Variants in PSMA3 observed in about 807,000 individuals in gnomAD.
The protein encoded by PSMA3 is proteasome 20S subunit alpha 3.
A neutral mutation model predicts 40.0 loss-of-function variants in PSMA3; 8 were observed. That is an observed-to-expected ratio of 0.20 (90% CI 0.12 to 0.36). The LOEUF (loss-of-function observed/expected upper bound fraction) is 0.36, where lower values mean the gene tolerates loss of function less well. PSMA3 is among the 10% of genes least tolerant of loss of function. PSMA3 has a pLI of 1.00. For missense variants in PSMA3, 219 were observed against 310.6 expected (o/e 0.70, Z 2.22); for synonymous variants, 110 against 100.0 (o/e 1.10, Z -0.59).
At chr14:58,250,064 C>T (rs1431035012) in intron 2 of PSMA3, among the ~76,000 whole-genome samples, 6 of 150,602 alleles carry the variant, frequency 4.0e-5, no homozygotes, top group Non-Finnish European at 8.9e-5. Context: ...ACTGAAAATA[C>T]AAAAAATTAG....
At chr14:58,248,391 G>A (rs555056519) in intron 2 of PSMA3, among the ~76,000 whole-genome samples, 30 of 152,002 alleles carry the variant, frequency 2.0e-4, no homozygotes, top group Middle Eastern at 3.4e-3. Flanking sequence ...CACCATGCCC[G>A]GATAATTTTT....
chr14:58,250,525 A>T (rs1347450277), intron 2 of PSMA3, among the ~76,000 whole-genome samples: 2 of 152,202 alleles, frequency 1.3e-5, no homozygotes, highest in Admixed American at 6.5e-5. Context: ...ATAACAGGAA[A>T]TTGAATATGC....
intron 7 of PSMA3, among the ~76,000 whole-genome samples, chr14:58,264,409 T>C (rs1225119332): frequency 6.6e-6 from 1 of 152,234 alleles, no homozygotes; most frequent in Non-Finnish European, 1.5e-5. Flanking sequence ...CAGCTATTAG[T>C]GTGAAAAAGT....
chr14:58,260,353 A>C (rs920289926), intron 5 of PSMA3, among the ~76,000 whole-genome samples: 1 of 152,234 alleles, frequency 6.6e-6, no homozygotes, highest in Non-Finnish European at 1.5e-5. Context: ...GTACAGAAGC[A>C]ATGTTTTTTG....
Position 58,261,029 on chromosome 14 carries a change from T to A in PSMA3, c.477+9T>A. Reference sequence around the variant, plus strand: ...CATCAGGTGTTTCATACGTGAGTAATTTTGAATCATTTGAAATTCTATTTT... The same window carrying A: ...CATCAGGTGTTTCATACGTGAGTAAATTTGAATCATTTGAAATTCTATTTT... On this transcript the variant is annotated intron_variant, in intron 6 of 10. Transcript: ENST00000216455. 1.9e-6 allele frequency: 3 copies of A among 1,570,344 alleles called. No individual in the cohort carries two copies. Among genetic ancestry groups the A allele is most frequent in the Non-Finnish European group, 2.6e-6 (3 of 1,141,628 alleles).
At chr14:58,251,915 G>A (rs998047843) in intron 2 of PSMA3, among the ~76,000 whole-genome samples, 1 of 152,112 alleles carries the variant, frequency 6.6e-6, no homozygotes, top group African/African-American at 2.4e-5. Context: ...TGATGTACTA[G>A]ATTCTGGAGG....
intron 1 of PSMA3, chr14:58,245,150 A>G: frequency 1.6e-6 from 1 of 613,734 alleles, no homozygotes; most frequent in Non-Finnish European, 2.9e-6. Flanking sequence ...GAAGCTTTTC[A>G]GCGCAGGTGT....
rs1014743503 is a variant in PSMA3 at position 58,244,869 on chromosome 14, G to C, written c.-52G>C. On this transcript the variant is annotated 5_prime_UTR_variant, in exon 1 of 11. Coordinates refer to ENST00000216455, the MANE Select transcript of PSMA3 (RefSeq NM_002788.4). ...CTAGTTTGCGGCATCCTGTGGTATA[G>C]GGGAAGCGCTCCGGGCCTGGAATCC... 5 of 1,614,066 alleles carry C rather than the reference G, an allele frequency of 3.1e-6. No individual in the cohort carries two copies. In the East Asian group the frequency reaches 8.9e-5, roughly 29 times the overall value.
At chr14:58,264,232 G>C (rs575614841) in intron 7 of PSMA3, among the ~76,000 whole-genome samples, 22 of 152,172 alleles carry the variant, frequency 1.4e-4, no homozygotes, top group African/African-American at 5.1e-4. Context: ...TGAAAATTTT[G>C]TTTAAAATTT....
intron 3 of PSMA3, among the ~76,000 whole-genome samples, chr14:58,254,883 G>A (rs995190691): frequency 2.0e-5 from 3 of 152,144 alleles, no homozygotes; most frequent in Non-Finnish European, 4.4e-5. Context: ...GTTGTTGTGA[G>A]GTTAAAAATT....
intron 3 of PSMA3, among the ~76,000 whole-genome samples, chr14:58,256,850 G>A (rs922317538): frequency 7.9e-5 from 12 of 151,782 alleles, no homozygotes; most frequent in Non-Finnish European, 1.5e-4. Flanking sequence ...CGGGCACGGC[G>A]GCTCACACCC....
At chr14:58,261,759 C>T (rs1890287436) in intron 6 of PSMA3, among the ~76,000 whole-genome samples, 1 of 151,874 alleles carries the variant, frequency 6.6e-6, no homozygotes, top group Admixed American at 6.6e-5. Flanking sequence ...AGGCTCATGC[C>T]ACCATGCCTA....
intron 6 of PSMA3, 189 bp from the exon 7 acceptor site, chr14:58,263,516 G>T: frequency 6.8e-6 from 3 of 443,128 alleles, no homozygotes; most frequent in Non-Finnish European, 1.2e-5. Flanking sequence ...AGGTTGTTTT[G>T]GAATTGTTTG....
At chr14:58,254,334 A>ATG (rs1418869624) in intron 3 of PSMA3, among the ~76,000 whole-genome samples, 47 of 88,430 alleles carry the variant, frequency 5.3e-4, no homozygotes, top group Middle Eastern at 5.1e-3. Flanking sequence ...TTATGCATGC[A>ATG]TATATATATG....
At chr14:58,262,729 A>G (rs976482742) in intron 6 of PSMA3, among the ~76,000 whole-genome samples, 1 of 150,762 alleles carries the variant, frequency 6.6e-6, no homozygotes, top group African/African-American at 2.4e-5. Context: ...CACCTGGCTA[A>G]TTTTTGTATT....
chr14:58,264,682 TATA>T (rs1483546858), intron 7 of PSMA3: 1 of 152,230 alleles, frequency 6.6e-6, no homozygotes, highest in Non-Finnish European at 1.5e-5. Flanking sequence ...GCTTGGCATT[TATA>T]CAATGCTAAG....
chr14:58,259,101 A>G (rs1239147565), intron 5 of PSMA3, among the ~76,000 whole-genome samples: 6 of 151,826 alleles, frequency 4.0e-5, no homozygotes, highest in Non-Finnish European at 8.8e-5. Flanking sequence ...CTAATTAACA[A>G]AATTTTTTTT....
chr14:58,246,485 G>C (rs565997157), intron 1 of PSMA3, among the ~76,000 whole-genome samples: 2 of 152,144 alleles, frequency 1.3e-5, no homozygotes, highest in African/African-American at 2.4e-5. Flanking sequence ...TGCAACCTGT[G>C]CCTCCCAGGT....
At position 58,252,134 on chromosome 14, in the gene PSMA3, C is replaced by G; in HGVS notation, c.120C>G (p.Ile40Met). ...CTTGTTTCAGTACAGCTATTGGAAT[C>G]AGATGCAAAGATGGTGTTGTCTTTG... ...AVENSSTAIG[I>M]RCKDGVVFGV... Residue 40 changes from isoleucine (I) to methionine (M), a missense_variant, in exon 3 of 11, where the codon ATC (isoleucine) becomes ATG (methionine). Physicochemically the swap from Ile to Met is conservative, Grantham distance 10. Coordinates refer to ENST00000216455, the MANE Select transcript of PSMA3 (RefSeq NM_002788.4). 1 of 1,610,484 alleles carries G rather than the reference C, an allele frequency of 6.2e-7. No individual in the cohort carries two copies. Among genetic ancestry groups the G allele is most frequent in the Non-Finnish European group, 8.5e-7 (1 of 1,178,838 alleles).
Sources: allele counts gnomAD v4.1 joint callset (sites outside exome capture counted in the v4.1 genomes callset), GRCh38; gene constraint gnomAD v4.1.1; transcripts MANE v1.5; gene names NCBI Gene and HGNC (gene_info 2026-07-23, HGNC 2026-07-21).